Variants in IP6K2 observed in about 807,000 individuals in gnomAD.
IP6K2 encodes ATP:1D-myo-inositol-hexakisphosphate phosphotransferase.
A neutral mutation model predicts 43.3 loss-of-function variants in IP6K2; 9 were observed. The observed-to-expected ratio is 0.21, with a 90% confidence interval of 0.13 to 0.36. The LOEUF (loss-of-function observed/expected upper bound fraction) is 0.36, where lower values mean the gene tolerates loss of function less well. IP6K2 is among the 10% of genes least tolerant of loss of function. The pLI, the probability that IP6K2 is intolerant of heterozygous loss-of-function variation, is 1.00. For missense variants in IP6K2, 332 were observed against 538.4 expected (o/e 0.62, Z 3.79); for synonymous variants, 209 against 202.4 (o/e 1.03, Z -0.28).
chr3:48,693,506 C>T lies in IP6K2; in HGVS notation c.203-327G>A. 2.4e-6 allele frequency: 3 copies of T among 1,261,852 alleles called. No individual in the cohort carries two copies. In the South Asian group the frequency reaches 4.8e-5, roughly 20 times the overall value. 78.2% of individuals were successfully genotyped at this position (1,261,852 alleles called of 1,614,324 possible). The stretch of plus-strand genomic sequence containing the variant: ...ATGTAATTCTTCTAATCCTAAAAGA[C>T]TGAAAACATTGCTCTTTATAGTTTG... On this transcript the variant is annotated intron_variant, in intron 2 of 5. Coordinates refer to ENST00000328631, the MANE Select transcript of IP6K2 (RefSeq NM_016291.4).
At chr3:48,690,961 T>A (rs1239886609) in intron 4 of IP6K2, among the ~76,000 whole-genome samples, 1 of 152,100 alleles carries the variant, frequency 6.6e-6, no homozygotes, top group Non-Finnish European at 1.5e-5. Context: ...AGCAATGTTT[T>A]CAGACTTCTG....
chr3:48,705,360 C>T (rs1559548511), intron 1 of IP6K2, among the ~76,000 whole-genome samples: 1 of 151,666 alleles, frequency 6.6e-6, no homozygotes, highest in African/African-American at 2.4e-5. Flanking sequence ...CCAGGCCTCA[C>T]TTTTGATAAA....
chr3:48,710,603 T>C (rs1370418966), intron 1 of IP6K2, among the ~76,000 whole-genome samples: 1 of 152,000 alleles, frequency 6.6e-6, no homozygotes, highest in African/African-American at 2.4e-5. Context: ...CTGCTGTTCA[T>C]GTTCATTAGT....
In IP6K2 at chr3:48,688,574, T is replaced by A. The variant is rs2077518448; in HGVS notation, c.980A>T (p.Tyr327Phe). 1 of 1,614,062 alleles carries A rather than the reference T, an allele frequency of 6.2e-7. No homozygotes were observed. Among genetic ancestry groups the A allele is most frequent in the Non-Finnish European group, 8.5e-7 (1 of 1,180,054 alleles). Residue 327 changes from tyrosine (Y) to phenylalanine (F), a missense_variant, in exon 6 of 6, where the codon TAC becomes TTC. Tyr to Phe is a conservative substitution (Grantham distance 22). Transcript: ENST00000328631. The surrounding 1 kb of genome is among the most constrained non-coding windows in gnomAD (Gnocchi z 5.1). ...ATAAATGACCAGCAGGGAGCTTGAG[T>A]AGAAGCGGTAGGACTCCTGTCGCTC... The part of the protein sequence containing the change: ...VLERQESYRF[Y>F]SSSLLVIYDG...
At chr3:48,693,706 A>C (rs1199157666) in intron 2 of IP6K2, 1 of 1,067,476 alleles carries the variant, frequency 9.4e-7, no homozygotes, top group African/African-American at 1.7e-5. Context: ...ACCACACAGC[A>C]CAAGACACCC....
Position 48,689,572 on chromosome 3 carries a change from G to T in IP6K2, c.746C>A (p.Ser249Tyr). The T allele has an allele frequency of 1.2e-6, 2 of 1,614,100 alleles. No homozygotes were observed. Among genetic ancestry groups the T allele is most frequent in the Non-Finnish European group, 1.7e-6 (2 of 1,180,024 alleles). ...ACACACACGCACACCAATGACTGCAGATGTGCTCTGCTGACATTTTCGGAT... is the reference window on the plus strand; with the variant it reads ...ACACACACGCACACCAATGACTGCATATGTGCTCTGCTGACATTTTCGGAT... ...NQIRKCQQST[S>Y]AVIGVRVCGM... is the part of the protein sequence containing the mutation. The change falls in exon 5 of 6, where the codon TCT becomes TAT. Residue 249 changes from serine (S) to tyrosine (Y), a missense_variant. Ser to Tyr is a moderately radical substitution (Grantham distance 144). Transcript: ENST00000328631.
intron 2 of IP6K2, chr3:48,693,525 T>C: frequency 4.1e-6 from 5 of 1,226,460 alleles, no homozygotes; most frequent in Non-Finnish European, 5.1e-6. Context: ...TTGCTCTTTA[T>C]AGTTTGCGGG....
chr3:48,694,054 G>C, intron 2 of IP6K2: 1 of 1,453,924 alleles, frequency 6.9e-7, no homozygotes, highest in Non-Finnish European at 9.1e-7. Flanking sequence ...AATCTGCTCA[G>C]TCCTCGACTG....
rs759340203 is a variant in IP6K2, at chr3:48,695,254, C to A, written c.38G>T (p.Arg13Leu). 1 of 1,583,428 alleles carries A rather than the reference C, an allele frequency of 6.3e-7. No homozygotes were observed. Among genetic ancestry groups the A allele is most frequent in the East Asian group, 2.3e-5 (1 of 44,370 alleles). The stretch of plus-strand genomic sequence containing the variant: ...GGGCTCCAGAAGGACGCCTTTGGCG[C>A]GGGGCTCCACATCCATGGCCCTGAA... ...PAFRAMDVEP[R>L]AKGVLLEPFV... The change falls in exon 2 of 6, where the codon CGC becomes CTC. Residue 13 changes from arginine (R) to leucine (L), a missense_variant. Physicochemically the swap from Arg to Leu is moderately radical, Grantham distance 102. Coordinates refer to ENST00000328631, the MANE Select transcript of IP6K2 (RefSeq NM_016291.4). This position sits in a 1 kb window ranked among gnomAD's most constrained non-coding sequence, Gnocchi z 4.6.
intron 1 of IP6K2, chr3:48,715,430 G>C (rs2081084356): frequency 1.3e-6 from 2 of 1,536,216 alleles, no homozygotes; most frequent in Non-Finnish European, 1.7e-6. Flanking sequence ...ACTGGCAAAG[G>C]TTCATCAGTC....
chr3:48,690,746 A>C (rs1234488977), intron 4 of IP6K2, among the ~76,000 whole-genome samples: 1 of 150,360 alleles, frequency 6.7e-6, no homozygotes, highest in Non-Finnish European at 1.5e-5. Flanking sequence ...CTGAGATCAC[A>C]CCACTGCACT....
intron 1 of IP6K2, among the ~76,000 whole-genome samples, chr3:48,703,939 A>G (rs1279845306): frequency 6.6e-6 from 1 of 151,678 alleles, no homozygotes; most frequent in Non-Finnish European, 1.5e-5. Flanking sequence ...AAAAAATACA[A>G]AAATTAGCCA....
intron 1 of IP6K2, among the ~76,000 whole-genome samples, chr3:48,710,852 A>G (rs2080419873): frequency 6.6e-6 from 1 of 152,034 alleles, no homozygotes; most frequent in Non-Finnish European, 1.5e-5. Flanking sequence ...CTCGTGATCC[A>G]TCCGCCTCGG....
In IP6K2 at chr3:48,695,185, T is replaced by C. The variant is rs111397089; in HGVS notation, c.107A>G (p.Asn36Ser). Residue 36 changes from asparagine to serine, a missense_variant, in exon 2 of 6, where the codon AAT becomes AGT. Asn to Ser is a conservative substitution (Grantham distance 46). Coordinates refer to ENST00000328631, the MANE Select transcript of IP6K2 (RefSeq NM_016291.4). The surrounding 1 kb of genome is among the most constrained non-coding windows in gnomAD (Gnocchi z 4.6). The part of the protein sequence containing the change: ...VGGHSCVLRF[N>S]ETTLCKPLVP... Reference sequence around the variant, plus strand: ...CAGGGGCTTGCACAGGGTTGTCTCATTGAAGCGGAGCACGCATGAGTGCCC... The same window carrying C: ...CAGGGGCTTGCACAGGGTTGTCTCACTGAAGCGGAGCACGCATGAGTGCCC... 6.5e-5 allele frequency: 104 copies of C among 1,595,364 alleles called. No individual in the cohort carries two copies. In the African/African-American group the frequency reaches 1.2e-3, roughly 18 times the overall value.
intron 1 of IP6K2, among the ~76,000 whole-genome samples, chr3:48,705,067 G>A (rs1011918434): frequency 4.6e-5 from 7 of 152,018 alleles, no homozygotes; most frequent in South Asian, 2.1e-4. Flanking sequence ...TCAGCCTCCC[G>A]AGTAGCTGGG....
chr3:48,693,043 C>G lies in IP6K2; in HGVS notation c.339G>C (p.Trp113Cys), dbSNP rs1237462284. 1 of 1,614,166 alleles carries G rather than the reference C, an allele frequency of 6.2e-7. No homozygotes were observed. Among genetic ancestry groups the G allele is most frequent in the Non-Finnish European group, 8.5e-7 (1 of 1,180,004 alleles). The change falls in exon 3 of 6, where the codon TGG becomes TGC. Residue 113 changes from tryptophan (W) to cysteine (C), a missense_variant. Physicochemically the swap from Trp to Cys is radical, Grantham distance 215. Coordinates refer to ENST00000328631, the MANE Select transcript of IP6K2 (RefSeq NM_016291.4). ...DCEPKSKLLR[W>C]TTNKKHHVLE... ...AGACATGATGTTTTTTGTTTGTTGT[C>G]CACCTTAGGAGCTTACTTTTTGGTT...
rs2078112922 is a variant in IP6K2, at chr3:48,694,628, T to G, written c.202+462A>C. On this transcript the variant is annotated intron_variant, in intron 2 of 5. Transcript: ENST00000328631. ...GGACATTCTGTAACAGCAAAGGGCTTGGGCTAATCAGCACAGGCCTCCCAC... is the reference window on the plus strand; with the variant it reads ...GGACATTCTGTAACAGCAAAGGGCTGGGGCTAATCAGCACAGGCCTCCCAC... 3 of 1,518,762 alleles carry G rather than the reference T, an allele frequency of 2.0e-6. No homozygotes were observed. The African/African-American group carries it at 4.2e-5, about 21-fold the overall frequency. 94.1% of individuals were successfully genotyped at this position (1,518,762 alleles called of 1,614,324 possible).
At chr3:48,692,911 T>A in intron 3 of IP6K2, 43 bp downstream of exon 3, 1 of 1,450,390 alleles carries the variant, frequency 6.9e-7, no homozygotes, top group Non-Finnish European at 9.6e-7. Flanking sequence ...CCCCAACACT[T>A]CCCCTCCCAC....
chr3:48,695,884 AATAT>A lies in IP6K2; in HGVS notation c.-130-467_-130-464del, dbSNP rs1312994257. Among the ~76,000 whole-genome samples, 4 of 147,560 alleles carry A rather than the reference AATAT, an allele frequency of 2.7e-5. No individual in the cohort carries two copies. Among genetic ancestry groups the A allele is most frequent in the Admixed American group, 2.0e-4 (3 of 14,694 alleles). On this transcript the variant is annotated intron_variant, in intron 1 of 5. Coordinates refer to ENST00000328631, the MANE Select transcript of IP6K2 (RefSeq NM_016291.4). This position sits in a 1 kb window ranked among gnomAD's most constrained non-coding sequence, Gnocchi z 4.6. ...AATAAATATATATATATAATTTTTT[AATAT>A]ATATAATTTTTTTTTGAGATGGAGT...
Sources: allele counts gnomAD v4.1 joint callset (sites outside exome capture counted in the v4.1 genomes callset), GRCh38; gene constraint gnomAD v4.1.1; non-coding constraint Gnocchi (gnomAD v3.1); transcripts MANE v1.5; gene names NCBI Gene and HGNC (gene_info 2026-07-23, HGNC 2026-07-21).